The following CTDSP2 variants were observed in gnomAD, a reference collection of about 807,000 sequenced individuals.
The protein encoded by CTDSP2 is CTD small phosphatase 2.
CTDSP2 carries 9 observed loss-of-function variants against 31.6 expected under a neutral mutation model. The observed-to-expected ratio is 0.28, with a 90% CI of 0.17 to 0.50. The LOEUF (loss-of-function observed/expected upper bound fraction) is 0.50. Ranked by LOEUF, CTDSP2 falls within the 20% of genes least tolerant of loss-of-function variation. The probability of loss-of-function intolerance (pLI) is 0.98; values close to 1 mark genes in which losing one functional copy is unlikely to be tolerated. For synonymous variants in CTDSP2, 134 were observed against 134.5 expected, an observed-to-expected ratio of 1.00 and a Z score of 0.03; for missense variants, 267 against 348.5, an observed-to-expected ratio of 0.77 and a Z score of 1.86.
At chr12:57,826,502 T>C (rs1595187821) in intron 4 of CTDSP2, 100 bp from the exon 5 acceptor site, 1 of 1,131,080 alleles carries the variant, frequency 8.8e-7, no homozygotes, top group East Asian at 2.4e-5. Context: ...TCTTAAAGAC[T>C]CCTGGAAGTG....
intron 1 of CTDSP2, among the ~76,000 whole-genome samples, chr12:57,841,760 C>T (rs1592243738): frequency 6.6e-6 from 1 of 152,204 alleles, no homozygotes; most frequent in Non-Finnish European, 1.5e-5. Flanking sequence ...GCTGTTTACA[C>T]TGTGTCCTTG....
Position 57,823,481 on chromosome 12 carries a change from T to C in CTDSP2, c.*121A>G. On this transcript the variant is annotated 3_prime_UTR_variant, in exon 8 of 8. Transcript: ENST00000398073. ...CTGTCCTAAAGCTCTTTCCAGTTAC[T>C]TCCCGCTGTTTCCGGGCCGTGTGGT... 1 of 1,184,626 alleles carries C rather than the reference T, an allele frequency of 8.4e-7. No individual in the cohort carries two copies. Among genetic ancestry groups the C allele is most frequent in the Non-Finnish European group, 1.2e-6 (1 of 843,522 alleles). The allele number at this position is 1,184,626 out of a possible 1,614,324, so 73.4% of individuals were successfully genotyped here.
At chr12:57,827,480 A>C (rs1377760027) in intron 3 of CTDSP2, 72 bp downstream of exon 3, 1 of 1,526,900 alleles carries the variant, frequency 6.5e-7, no homozygotes, top group Non-Finnish European at 9.1e-7. Context: ...TATGCACATC[A>C]CCCTGCCCGT....
rs568168284 is a variant in CTDSP2 at position 57,825,860 on chromosome 12, TG to T, written c.411+485del. ...GAAGAAAGTCACTAGCTATTCACAGTGGGGGTGGCAGGGGGAGCATGGGCAA... is the reference window on the plus strand; with the variant it reads ...GAAGAAAGTCACTAGCTATTCACAGTGGGGTGGCAGGGGGAGCATGGGCAA... On this transcript the variant is annotated intron_variant, in intron 5 of 7. Coordinates refer to ENST00000398073, the MANE Select transcript of CTDSP2 (RefSeq NM_005730.4). 4.6e-5 allele frequency among the ~76,000 whole-genome samples: 7 copies of T among 151,746 alleles called. No individual in the cohort carries two copies. In the South Asian group the frequency reaches 1.2e-3, roughly 27 times the overall value.
chr12:57,834,215 G>T (rs73340246), intron 1 of CTDSP2, among the ~76,000 whole-genome samples: 3,098 of 151,990 alleles, frequency 0.02, 98 homozygotes, highest in African/African-American at 0.072. Flanking sequence ...CCAAGCTGAA[G>T]TGCAGTGGTA....
intron 1 of CTDSP2, among the ~76,000 whole-genome samples, chr12:57,838,572 C>T (rs1250482023): frequency 6.6e-6 from 1 of 152,198 alleles, no homozygotes; most frequent in Non-Finnish European, 1.5e-5. Flanking sequence ...AGGAAGAATC[C>T]ACTGCTTCTT....
rs554067035 is a variant in CTDSP2 at position 57,829,622 on chromosome 12, T to G, written c.65-26A>C. The G allele has an allele frequency of 3.7e-6, 6 of 1,609,678 alleles. No homozygotes were observed. The African/African-American group carries it at 8.0e-5, about 21-fold the overall frequency. On this transcript the variant is annotated intron_variant, in intron 1 of 7. Coordinates refer to ENST00000398073, the MANE Select transcript of CTDSP2 (RefSeq NM_005730.4). Reference sequence around the variant, plus strand: ...CTAGGGTGGAGAGAATGACAGAGGCTTTAGCTCTAGGGACATCAGTTTCTG... The same window carrying G: ...CTAGGGTGGAGAGAATGACAGAGGCGTTAGCTCTAGGGACATCAGTTTCTG...
intron 1 of CTDSP2, among the ~76,000 whole-genome samples, 185 bp downstream of exon 1, chr12:57,846,187 C>G (rs1956314703): frequency 6.6e-6 from 1 of 152,196 alleles, no homozygotes; most frequent in African/African-American, 2.4e-5. Context: ...CGCCGGGATC[C>G]CCGTGCAACC....
chr12:57,829,690 C>T, intron 1 of CTDSP2, 94 bp from the exon 2 acceptor site: 1 of 1,148,714 alleles, frequency 8.7e-7, no homozygotes, highest in South Asian at 1.3e-5. Context: ...AGTTTGTAAA[C>T]TCTACTAGGG....
In CTDSP2 at chr12:57,829,526, A is replaced by G; in HGVS notation, c.135T>C (p.Phe45=). The G allele has an allele frequency of 2.5e-6, 4 of 1,614,178 alleles. No individual in the cohort carries two copies. The highest frequency in any genetic ancestry group is 3.4e-6 in the Non-Finnish European group (4 of 1,180,040). The change falls in exon 2 of 8, where the codon TTT becomes TTC. Residue 45 remains phenylalanine, a synonymous_variant. Coordinates refer to ENST00000398073, the MANE Select transcript of CTDSP2 (RefSeq NM_005730.4). ...RNIFKALFCC[F]RAQHVGQSSS... ...TTGACTGGCCAACATGCTGGGCGCG[A>G]AAACAGCAGAAAAGGGCCTTGAAGA...
At chr12:57,837,691 A>T (rs1388884874) in intron 1 of CTDSP2, among the ~76,000 whole-genome samples, 4 of 152,086 alleles carry the variant, frequency 2.6e-5, no homozygotes, top group South Asian at 2.1e-4. Flanking sequence ...ACTCTGTCTC[A>T]AAATAAATAA....
rs1956159237 is a variant in CTDSP2, at chr12:57,823,243, C to T, written c.*359G>A. On this transcript the variant is annotated 3_prime_UTR_variant, in exon 8 of 8. Coordinates refer to ENST00000398073, the MANE Select transcript of CTDSP2 (RefSeq NM_005730.4). ...TTCATCCCTACACAACTCAGTGGCT[C>T]TTAGGGTGACAGGAGAGGAGACAAG... 1 of 321,686 alleles carries T rather than the reference C, an allele frequency of 3.1e-6. No homozygotes were observed. Among genetic ancestry groups the T allele is most frequent in the South Asian group, 3.2e-5 (1 of 31,220 alleles). 19.9% of individuals were successfully genotyped at this position (321,686 alleles called of 1,614,324 possible).
At position 57,841,934 on chromosome 12, in the gene CTDSP2, C is replaced by T. The variant is rs562961726; in HGVS notation, c.64+4438G>A. 2.6e-5 allele frequency among the ~76,000 whole-genome samples: 4 copies of T among 152,310 alleles called. No homozygotes were observed. In the South Asian group the frequency reaches 8.3e-4, roughly 32 times the overall value. ...AATACTAAAGTGATTTATCAAGTCT[C>T]ATTGCAAATAGGAAAAGAAGGTATT... On this transcript the variant is annotated intron_variant, in intron 1 of 7. Coordinates refer to ENST00000398073, the MANE Select transcript of CTDSP2 (RefSeq NM_005730.4).
chr12:57,832,692 T>C (rs1311026184), intron 1 of CTDSP2, among the ~76,000 whole-genome samples: 1 of 143,582 alleles, frequency 7.0e-6, no homozygotes, highest in Non-Finnish European at 1.5e-5. Context: ...CCTGGGATGC[T>C]GAGGCAGGAG....
intron 1 of CTDSP2, among the ~76,000 whole-genome samples, chr12:57,841,649 C>T (rs1956283200): frequency 6.6e-6 from 1 of 152,306 alleles, no homozygotes; most frequent in Middle Eastern, 3.4e-3. Flanking sequence ...TGTTTGTAAG[C>T]CTAAGAGGTT....
At chr12:57,836,506 T>G (rs1027729093) in intron 1 of CTDSP2, among the ~76,000 whole-genome samples, 1 of 151,766 alleles carries the variant, frequency 6.6e-6, no homozygotes, top group Admixed American at 6.6e-5. Context: ...CAAAAAAAAA[T>G]TAGCCAGGTG....
At chr12:57,844,178 G>C (rs569519484) in intron 1 of CTDSP2, among the ~76,000 whole-genome samples, 11 of 151,770 alleles carry the variant, frequency 7.2e-5, no homozygotes, top group Non-Finnish European at 1.0e-4. Context: ...CTGGGCAACA[G>C]AGTAAGACTC....
chr12:57,834,381 C>A (rs1042614152), intron 1 of CTDSP2, among the ~76,000 whole-genome samples: 4 of 152,136 alleles, frequency 2.6e-5, no homozygotes, highest in African/African-American at 9.7e-5. Flanking sequence ...TAGCCCCTAC[C>A]CCTTGCCCCA....
intron 1 of CTDSP2, among the ~76,000 whole-genome samples, chr12:57,833,266 C>T (rs897851664): frequency 6.6e-6 from 1 of 152,222 alleles, no homozygotes; most frequent in Non-Finnish European, 1.5e-5. Flanking sequence ...AGAAGCGCCT[C>T]AGTCCTAGAT....
Sources: gnomAD v4.1 joint callset for allele counts (sites outside exome capture counted in the v4.1 genomes callset) on GRCh38, gnomAD v4.1.1 for gene constraint, MANE v1.5 for transcripts, NCBI Gene and HGNC (gene_info 2026-07-23, HGNC 2026-07-21) for gene names.